The following CNTN5 variants were observed in gnomAD, a reference collection of about 807,000 sequenced individuals.
CNTN5 encodes contactin-5.
Under a neutral mutation model 129.1 loss-of-function variants are expected in CNTN5, and 77 were observed. That is an observed-to-expected ratio of 0.60 (90% CI 0.50 to 0.72). CNTN5 has a LOEUF of 0.72. Among genes scored for constraint, CNTN5 ranks in the 30% least tolerant of loss-of-function variants. The pLI is 0.00. For synonymous variants in CNTN5, 509 were observed against 465.6 expected (o/e 1.09, Z -1.20); for missense variants, 1,478 against 1,328.8 (o/e 1.11, Z -1.75).
At chr11:99,483,120 G>T (rs1945667240) in intron 2 of CNTN5, among the ~76,000 whole-genome samples, 1 of 139,856 alleles carries the variant, frequency 7.2e-6, no homozygotes, top group Non-Finnish European at 1.5e-5. Flanking sequence ...AGCTTGCAGT[G>T]AGCCGAGATC....
intron 3 of CNTN5, among the ~76,000 whole-genome samples, chr11:99,781,694 C>G (rs921404314): frequency 3.3e-5 from 5 of 152,102 alleles, no homozygotes; most frequent in Admixed American, 1.3e-4. Context: ...ATACTTTAAG[C>G]ATTCAAGAAC....
At chr11:99,943,191 G>A (rs1215330321) in intron 7 of CNTN5, among the ~76,000 whole-genome samples, 1 of 152,040 alleles carries the variant, frequency 6.6e-6, no homozygotes, top group Non-Finnish European at 1.5e-5. Context: ...ATCTTTGTCA[G>A]CATCTGTTGC....
chr11:100,292,140 T>A (rs1591485075), intron 18 of CNTN5, among the ~76,000 whole-genome samples: 1 of 152,050 alleles, frequency 6.6e-6, no homozygotes, highest in East Asian at 1.9e-4. Context: ...TCTTTCTTCT[T>A]TCCACTTTAT....
intron 1 of CNTN5, among the ~76,000 whole-genome samples, chr11:99,065,714 G>A (rs933809686): frequency 6.6e-6 from 1 of 151,376 alleles, no homozygotes; most frequent in African/African-American, 2.4e-5. Context: ...CATGTGGACA[G>A]ATATACAAAC....
intron 2 of CNTN5, among the ~76,000 whole-genome samples, chr11:99,404,464 A>G (rs1300519691): frequency 6.7e-6 from 1 of 148,564 alleles, no homozygotes; most frequent in Admixed American, 6.7e-5. Flanking sequence ...AGTGAAGGTG[A>G]TTTTCTTTGG....
rs1591399141 is a variant in CNTN5 at position 99,637,414 on chromosome 11, GCAAACAC to G, written c.55+81146_55+81152del. Among the ~76,000 whole-genome samples the G allele has an allele frequency of 2.0e-5, 3 of 152,112 alleles. No homozygotes were observed. In the East Asian group the frequency reaches 5.8e-4, roughly 29 times the overall value. ...ACTTGTATAAATTGAATAAACATAA[GCAAACAC>G]ATCACATGGCAATCATGTACATGTA... On this transcript the variant is annotated intron_variant, in intron 3 of 24. Coordinates refer to ENST00000524871, the MANE Select transcript of CNTN5 (RefSeq NM_014361.4).
At chr11:99,201,000 GCCTT>G (rs781432501) in intron 1 of CNTN5, among the ~76,000 whole-genome samples, 2,297 of 141,408 alleles carry the variant, frequency 0.016, 50 homozygotes, top group South Asian at 0.026. Flanking sequence ...CTGCCCACCT[GCCTT>G]CCTTCCTTCC....
intron 15 of CNTN5, among the ~76,000 whole-genome samples, chr11:100,214,477 C>T (rs151240736): frequency 1.3e-5 from 2 of 152,302 alleles, no homozygotes; most frequent in African/African-American, 4.8e-5. Context: ...TCCTGAAAAT[C>T]TCCTTACATA....
intron 3 of CNTN5, among the ~76,000 whole-genome samples, chr11:99,735,771 C>T (rs1252874665): frequency 5.3e-5 from 8 of 152,102 alleles, no homozygotes; most frequent in African/African-American, 1.4e-4. Flanking sequence ...TCACCTCATA[C>T]GGTTACCATC....
At chr11:99,652,223 CTT>C (rs1460501966) in intron 3 of CNTN5, among the ~76,000 whole-genome samples, 3 of 152,116 alleles carry the variant, frequency 2.0e-5, no homozygotes, top group Admixed American at 2.0e-4. Context: ...GCCAGAGTGA[CTT>C]TCACCTCCTA....
At chr11:100,196,297 A>G (rs994544781) in intron 15 of CNTN5, among the ~76,000 whole-genome samples, 11 of 150,038 alleles carry the variant, frequency 7.3e-5, no homozygotes, top group Admixed American at 6.1e-4. Flanking sequence ...AACTAACTAA[A>G]CCTCTCAGGT....
chr11:100,029,063 T>TAGAG (rs369938491), intron 9 of CNTN5, among the ~76,000 whole-genome samples: 2 of 149,152 alleles, frequency 1.3e-5, no homozygotes, highest in Non-Finnish European at 3.0e-5. Flanking sequence ...CGTTAGAAGA[T>TAGAG]AGAGAGAGAG....
chr11:99,659,226 G>A (rs1272950510), intron 3 of CNTN5, among the ~76,000 whole-genome samples: 1 of 152,056 alleles, frequency 6.6e-6, no homozygotes. Flanking sequence ...CAGACTTTCT[G>A]AATGAGTAAT....
At chr11:100,069,911 TA>T (rs956251134) in intron 10 of CNTN5, among the ~76,000 whole-genome samples, 8 of 151,008 alleles carry the variant, frequency 5.3e-5, no homozygotes, top group African/African-American at 1.5e-4. Context: ...TTTGCACAAA[TA>T]AAAAAATTAT....
intron 13 of CNTN5, among the ~76,000 whole-genome samples, chr11:100,149,904 A>AAG (rs1555022279): frequency 6.8e-6 from 1 of 147,836 alleles, no homozygotes; most frequent in East Asian, 2.0e-4. Context: ...AAAAAAAAAA[A>AAG]AAAGAAAAGA....
At chr11:99,885,289 A>G (rs1037355870) in intron 6 of CNTN5, among the ~76,000 whole-genome samples, 4 of 152,150 alleles carry the variant, frequency 2.6e-5, no homozygotes, top group Non-Finnish European at 4.4e-5. Context: ...CTCAAAATAA[A>G]AAAAAGAAAA....
intron 6 of CNTN5, among the ~76,000 whole-genome samples, chr11:99,901,836 T>G (rs975536008): frequency 2.0e-5 from 3 of 152,200 alleles, no homozygotes; most frequent in African/African-American, 7.2e-5. Flanking sequence ...ATATGCTACC[T>G]TTTTATGTTA....
chr11:99,837,350 A>AT (rs1286322791), intron 4 of CNTN5, among the ~76,000 whole-genome samples: 2 of 152,184 alleles, frequency 1.3e-5, no homozygotes, highest in African/African-American at 4.8e-5. Context: ...TTTCTTTTGT[A>AT]TTCACATCAC....
chr11:99,778,071 G>A (rs566890437), intron 3 of CNTN5, among the ~76,000 whole-genome samples: 2 of 151,892 alleles, frequency 1.3e-5, no homozygotes, highest in East Asian at 3.9e-4. Context: ...AGATTGAGTT[G>A]AATTTTTTTT....
Sources: allele counts gnomAD v4.1 joint callset (sites outside exome capture counted in the v4.1 genomes callset), GRCh38; gene constraint gnomAD v4.1.1; transcripts MANE v1.5; gene names NCBI Gene and HGNC (gene_info 2026-07-23, HGNC 2026-07-21).